KLF12: variants seen among roughly 807,000 people sequenced by gnomAD.
The protein encoded by KLF12 is KLF transcription factor 12, also known as Krueppel-like factor 12.
Under a neutral mutation model 37.8 loss-of-function variants are expected in KLF12, and 9 were observed. That is an observed-to-expected ratio of 0.24 (90% confidence interval 0.14 to 0.42). The LOEUF (loss-of-function observed/expected upper bound fraction) is 0.42, where lower values mean the gene tolerates loss of function less well. KLF12 is among the 10% of genes least tolerant of loss of function. The pLI is 1.00. For missense variants in KLF12, 411 were observed against 516.0 expected, an observed-to-expected ratio of 0.80 and a Z score of 1.97; for synonymous variants, 208 against 202.1, an observed-to-expected ratio of 1.03 and a Z score of -0.25.
chr13:74,172,554 TGTTGGCACA>T, the KLF12 span, among the ~76,000 whole-genome samples: 1 of 152,182 alleles, frequency 6.6e-6, no homozygotes, highest in African/African-American at 2.4e-5. Flanking sequence ...GGTCATACAG[TGTTGGCACA>T]GTTCCAGATA....
At chr13:74,243,884 G>A in the KLF12 span, among the ~76,000 whole-genome samples, 2 of 152,128 alleles carry the variant, frequency 1.3e-5, no homozygotes, top group Non-Finnish European at 2.9e-5. Context: ...GAGGAGGCCC[G>A]ACACTAGCAC....
At chr13:74,078,563 T>G (rs1874700753) in intron 1 of KLF12, among the ~76,000 whole-genome samples, 1 of 152,228 alleles carries the variant, frequency 6.6e-6, no homozygotes, top group South Asian at 2.1e-4. Context: ...AATTTCAAAT[T>G]TCCATAATTG....
intron 1 of KLF12, among the ~76,000 whole-genome samples, chr13:74,072,956 G>A (rs114882778): frequency 0.026 from 3,947 of 152,186 alleles, 176 homozygotes; most frequent in African/African-American, 0.089. Context: ...GGAGGGACCC[G>A]GTGGGATGTA....
the KLF12 span, among the ~76,000 whole-genome samples, chr13:74,161,010 G>A: frequency 1.3e-5 from 2 of 151,934 alleles, no homozygotes; most frequent in African/African-American, 4.8e-5. Flanking sequence ...TCATGCAGGA[G>A]GTGTCCATAG....
intron 5 of KLF12, among the ~76,000 whole-genome samples, chr13:73,805,635 AGGG>A (rs1566380196): frequency 3.8e-5 from 1 of 25,988 alleles, no homozygotes; most frequent in Non-Finnish European, 6.2e-5. Flanking sequence ...GGAGGGAGGG[AGGG>A]AGGGAGGGAG....
intron 1 of KLF12, among the ~76,000 whole-genome samples, chr13:74,106,147 T>A (rs925115916): frequency 6.6e-6 from 1 of 152,206 alleles, no homozygotes; most frequent in Non-Finnish European, 1.5e-5. Context: ...ATGCCTACTG[T>A]CTATTAAAGG....
chr13:74,295,943 A>G, the KLF12 span, among the ~76,000 whole-genome samples: 1 of 151,996 alleles, frequency 6.6e-6, no homozygotes, highest in South Asian at 2.1e-4. Context: ...CGTCCTGAGT[A>G]GCAGGGATGA....
chr13:74,041,281 C>T (rs1270699685), intron 1 of KLF12, among the ~76,000 whole-genome samples: 1 of 152,186 alleles, frequency 6.6e-6, no homozygotes, highest in Non-Finnish European at 1.5e-5. Flanking sequence ...TTGCACCATT[C>T]ATGTGCCCTG....
chr13:73,951,849 A>C (rs1347779504), intron 2 of KLF12, among the ~76,000 whole-genome samples: 1 of 152,246 alleles, frequency 6.6e-6, no homozygotes, highest in Non-Finnish European at 1.5e-5. Context: ...TTTATATGCC[A>C]TTACACTAGA....
chr13:73,812,348 C>T (rs4883952), intron 5 of KLF12, among the ~76,000 whole-genome samples: 107,446 of 150,984 alleles, frequency 0.71, 38,478 homozygotes, highest in Non-Finnish European at 0.74. Context: ...TACTGTATAC[C>T]TGAAATTTTC....
chr13:73,781,617 C>A lies in KLF12; in HGVS notation c.807-16617G>T, dbSNP rs370456061. On this transcript the variant is annotated intron_variant, in intron 5 of 7. Transcript: ENST00000377669. ...GAATACAGATGTTATGCAAAATAGG[C>A]TGGGTCTGGAAATTACCCACAATTG... is the stretch of plus-strand genomic sequence containing the variant. 6.6e-4 allele frequency among the ~76,000 whole-genome samples: 101 copies of A among 152,268 alleles called. No homozygotes were observed. In the South Asian group the frequency reaches 0.019, roughly 29 times the overall value.
intron 3 of KLF12, among the ~76,000 whole-genome samples, chr13:73,901,391 C>T (rs1888033744): frequency 6.6e-6 from 1 of 152,106 alleles, no homozygotes; most frequent in Non-Finnish European, 1.5e-5. Context: ...TCTGGAGGGG[C>T]CTTTTTGTTG....
chr13:73,712,776 C>A (rs150038936), intron 7 of KLF12, among the ~76,000 whole-genome samples: 139 of 152,352 alleles, frequency 9.1e-4, no homozygotes, highest in South Asian at 6.0e-3. Flanking sequence ...AGACCCTCCA[C>A]TAGTCAAAAG....
chr13:74,285,180 A>T, the KLF12 span, among the ~76,000 whole-genome samples: 1 of 144,938 alleles, frequency 6.9e-6, no homozygotes, highest in Non-Finnish European at 1.5e-5. Context: ...GCCCTACCTG[A>T]TTTTTTTTTT....
chr13:74,031,452 AATTATCATCATGTCTCTTTTAT>A (rs1407827947), intron 1 of KLF12, among the ~76,000 whole-genome samples: 1 of 152,122 alleles, frequency 6.6e-6, no homozygotes, highest in African/African-American at 2.4e-5. Flanking sequence ...GTTTATGAGA[AATTATCATCATGTCTCTTTTAT>A]TTTATTTAGA....
chr13:74,219,679 G>T, the KLF12 span, among the ~76,000 whole-genome samples: 1 of 152,176 alleles, frequency 6.6e-6, no homozygotes, highest in Non-Finnish European at 1.5e-5. Flanking sequence ...TTCTAAAAAT[G>T]TCTTTAGCTC....
At chr13:73,904,469 C>CTTTTTTTTT (rs11342071) in intron 3 of KLF12, among the ~76,000 whole-genome samples, 16 of 92,006 alleles carry the variant, frequency 1.7e-4, no homozygotes, top group Non-Finnish European at 3.1e-4. Flanking sequence ...TCTTTCTTTC[C>CTTTTTTTTT]TTTTTTTTTT....
the KLF12 span, among the ~76,000 whole-genome samples, chr13:74,294,627 A>C: frequency 6.6e-6 from 1 of 152,130 alleles, no homozygotes. Flanking sequence ...TCGGCCTCCC[A>C]AAGTGATGAG....
intron 2 of KLF12, among the ~76,000 whole-genome samples, chr13:73,970,974 T>C (rs1270691656): frequency 6.6e-6 from 1 of 152,126 alleles, no homozygotes; most frequent in Non-Finnish European, 1.5e-5. Flanking sequence ...AATGTTAACA[T>C]TGACTGAGAG....
Sources: gnomAD v4.1 joint callset for allele counts (sites outside exome capture counted in the v4.1 genomes callset) on GRCh38, gnomAD v4.1.1 for gene constraint, MANE v1.5 for transcripts, NCBI Gene and HGNC (gene_info 2026-07-23, HGNC 2026-07-21) for gene names.